Variants in MINK1 observed in about 807,000 individuals in gnomAD.
MINK1 encodes the protein misshapen-like kinase 1.
MINK1 carries 46 observed loss-of-function variants against 178.4 expected under a neutral mutation model. The ratio of observed to expected loss-of-function variants is 0.26; its 90% CI spans 0.20 to 0.33. The LOEUF (loss-of-function observed/expected upper bound fraction) is 0.33, where lower values mean the gene tolerates loss of function less well. Ranked by LOEUF, MINK1 falls within the 10% of genes least tolerant of loss-of-function variation. The probability of loss-of-function intolerance (pLI) is 1.00; values close to 1 mark genes in which losing one functional copy is unlikely to be tolerated. For missense variants in MINK1, 1,366 were observed against 1,814.9 expected (o/e 0.75, Z 4.49); for synonymous variants, 797 against 709.7 (o/e 1.12, Z -1.96).
At chr17:4,865,402 C>T (rs985853601) in intron 1 of MINK1, among the ~76,000 whole-genome samples, 1 of 151,830 alleles carries the variant, frequency 6.6e-6, no homozygotes, top group African/African-American at 2.4e-5. Flanking sequence ...CCATTGCACT[C>T]CAGCCTGGGC....
intron 1 of MINK1, among the ~76,000 whole-genome samples, chr17:4,850,787 T>C (rs1306578127): frequency 6.6e-6 from 1 of 152,178 alleles, no homozygotes; most frequent in African/African-American, 2.4e-5. Context: ...GATATAATGA[T>C]CTGTTTGTGC....
intron 1 of MINK1, among the ~76,000 whole-genome samples, chr17:4,868,485 T>C (rs1915372890): frequency 6.6e-6 from 1 of 152,156 alleles, no homozygotes; most frequent in African/African-American, 2.4e-5. Context: ...CTTTCTAGTC[T>C]CCATATATGA....
intron 1 of MINK1, among the ~76,000 whole-genome samples, chr17:4,857,970 C>T (rs982079165): frequency 1.3e-5 from 2 of 152,184 alleles, no homozygotes; most frequent in African/African-American, 2.4e-5. Flanking sequence ...GAGACCCCAT[C>T]TGTCCTTTGT....
At chr17:4,893,255 T>G (rs1342140696) in intron 20 of MINK1, 179 bp from the exon 21 acceptor site, 1 of 1,613,192 alleles carries the variant, frequency 6.2e-7, no homozygotes, top group Non-Finnish European at 8.5e-7. Context: ...ACCTCTCTTC[T>G]GGCTCTTTCT....
intron 1 of MINK1, among the ~76,000 whole-genome samples, chr17:4,849,166 C>T (rs1911523758): frequency 6.6e-6 from 1 of 152,144 alleles, no homozygotes; most frequent in African/African-American, 2.4e-5. Context: ...AGTCTTCCAG[C>T]GTCACTGCAA....
intron 13 of MINK1, chr17:4,890,060 G>T: frequency 4.0e-6 from 2 of 500,106 alleles, no homozygotes; most frequent in South Asian, 2.4e-5. Flanking sequence ...TGGCCCCCTG[G>T]GGCTCATGTC....
intron 21 of MINK1, 104 bp downstream of exon 21, chr17:4,893,701 G>C: frequency 2.1e-6 from 3 of 1,396,524 alleles, no homozygotes; most frequent in Non-Finnish European, 1.9e-6. Flanking sequence ...AGGGAGAGCG[G>C]CTCCCTTCTC....
chr17:4,892,089 A>C, intron 16 of MINK1, 60 bp from the exon 17 acceptor site: 1 of 1,397,300 alleles, frequency 7.2e-7, no homozygotes, highest in Non-Finnish European at 9.9e-7. Flanking sequence ...GGTGAGGCTT[A>C]AACATCTGAG....
rs988680576 is a variant in MINK1, at chr17:4,897,378, C to G, written c.*91C>G. ...GCCGCCCCTCTTTCCCCTCCCTGGG[C>G]TTTTGCTTTTACTGGTTTGATTTCA... On this transcript the variant is annotated 3_prime_UTR_variant, in exon 32 of 32. Coordinates refer to ENST00000355280, the MANE Select transcript of MINK1 (RefSeq NM_153827.5). 1.6e-6 allele frequency: 2 copies of G among 1,222,568 alleles called. No individual in the cohort carries two copies. The highest frequency in any genetic ancestry group is 1.5e-5 in the African/African-American group (1 of 66,468). 75.7% of individuals were successfully genotyped at this position (1,222,568 alleles called of 1,614,324 possible).
chr17:4,875,604 C>T (rs1385558092), intron 1 of MINK1: 2 of 387,476 alleles, frequency 5.2e-6, no homozygotes, highest in Non-Finnish European at 1.0e-5. Flanking sequence ...GAAACCACGT[C>T]TCTACTAAAA....
chr17:4,885,709 C>T lies in MINK1; in HGVS notation c.639+96C>T. ...AGCAGGCTGGGGAACAGAGGAAGGT[C>T]AGATGATGTTAGCAGTGAGGGGCTG... On this transcript the variant is annotated intron_variant, in intron 7 of 31. Transcript: ENST00000355280. The surrounding 1 kb of genome is among the most constrained non-coding windows in gnomAD (Gnocchi z 5.0). 2 of 1,536,152 alleles carry T rather than the reference C, an allele frequency of 1.3e-6. No homozygotes were observed. The highest frequency in any genetic ancestry group is 1.2e-5 in the South Asian group (1 of 84,560).
intron 2 of MINK1, 43 bp from the exon 3 acceptor site, chr17:4,880,941 G>T (rs991896680): frequency 3.5e-6 from 5 of 1,445,302 alleles, no homozygotes; most frequent in African/African-American, 2.9e-5. Flanking sequence ...CCCTCTCTAC[G>T]CTCCACCCTC....
chr17:4,842,085 G>A (rs1041103269), intron 1 of MINK1, among the ~76,000 whole-genome samples: 7 of 152,024 alleles, frequency 4.6e-5, no homozygotes, highest in Non-Finnish European at 1.0e-4. Context: ...TTAGCCGGGC[G>A]CGGTGGTGGG....
chr17:4,881,036 C>A lies in MINK1; in HGVS notation c.176C>A (p.Thr59Lys). The A allele has an allele frequency of 6.5e-7, 1 of 1,531,790 alleles. No individual in the cohort carries two copies. Among genetic ancestry groups the A allele is most frequent in the Non-Finnish European group, 8.7e-7 (1 of 1,143,946 alleles). The allele number at this position is 1,531,790 out of a possible 1,614,324, so 94.9% of individuals were successfully genotyped here. ...QLAAIKVMDV[T>K]EDEEEEIKQE... is the part of the protein sequence containing the mutation. Reference sequence around the variant, plus strand: ...GCTGCCATCAAGGTCATGGATGTCACGGAGGTAGGGAGTGGAGCTGGGCAG... The same window carrying A: ...GCTGCCATCAAGGTCATGGATGTCAAGGAGGTAGGGAGTGGAGCTGGGCAG... The change falls in exon 3 of 32, where the codon ACG (threonine) becomes AAG (lysine). Residue 59 changes from threonine to lysine, a missense_variant. Around this residue, in one of 14 missense-constraint regions of MINK1, gnomAD observed 109 missense variants for 369.4 expected, o/e 0.30. Coordinates refer to ENST00000355280, the MANE Select transcript of MINK1 (RefSeq NM_153827.5).
At chr17:4,893,331 G>A in intron 20 of MINK1, 103 bp from the exon 21 acceptor site, 2 of 1,613,542 alleles carry the variant, frequency 1.2e-6, no homozygotes, top group Non-Finnish European at 1.7e-6. Context: ...GGGCCTGCTT[G>A]TGGGAGCCCC....
At chr17:4,847,277 C>T (rs1597389388) in intron 1 of MINK1, 2 of 454,898 alleles carry the variant, frequency 4.4e-6, no homozygotes, top group East Asian at 7.0e-5. Context: ...GATGGAGTCT[C>T]GCTCAGGCTG....
intron 1 of MINK1, among the ~76,000 whole-genome samples, chr17:4,858,180 A>G (rs866017529): frequency 2.6e-5 from 4 of 152,072 alleles, no homozygotes; most frequent in African/African-American, 7.2e-5. Context: ...GGGAGGCTAA[A>G]TATCCCCTCC....
At position 4,833,385 on chromosome 17, in the gene MINK1, G is replaced by T; in HGVS notation, c.-199G>T. The stretch of plus-strand genomic sequence containing the variant: ...CTGCGCAGGAGAGGTGGTAGGCTCG[G>T]GTGGCTGGCTCCGGGGAGATAGCGC... On this transcript the variant is annotated 5_prime_UTR_variant, in exon 1 of 32. Coordinates refer to ENST00000355280, the MANE Select transcript of MINK1 (RefSeq NM_153827.5). This position sits in a 1 kb window ranked among gnomAD's most constrained non-coding sequence, Gnocchi z 4.8. 1 of 523,496 alleles carries T rather than the reference G, an allele frequency of 1.9e-6. No individual in the cohort carries two copies. The highest frequency in any genetic ancestry group is 3.3e-6 in the Non-Finnish European group (1 of 298,540). 32.4% of individuals were successfully genotyped at this position (523,496 alleles called of 1,614,324 possible).
At chr17:4,890,803 A>T in intron 14 of MINK1, 68 bp downstream of exon 14, 1 of 1,524,434 alleles carries the variant, frequency 6.6e-7, no homozygotes, top group Non-Finnish European at 8.9e-7. Context: ...AGCCACAAGA[A>T]GTAGTAGTTC....
Sources: gnomAD v4.1 joint callset for allele counts (sites outside exome capture counted in the v4.1 genomes callset) on GRCh38, gnomAD v4.1.1 for gene constraint, gnomAD v4.1.1 regional missense constraint, Gnocchi (gnomAD v3.1) non-coding constraint, MANE v1.5 for transcripts, NCBI Gene and HGNC (gene_info 2026-07-23, HGNC 2026-07-21) for gene names.